NEO1: variants seen among roughly 807,000 people sequenced by gnomAD.
NEO1 encodes the protein neogenin.
Under a neutral mutation model 159.7 loss-of-function variants are expected in NEO1, and 63 were observed. The ratio of observed to expected loss-of-function variants is 0.39; its 90% confidence interval spans 0.32 to 0.49. The LOEUF is 0.49. NEO1 is among the 20% of genes least tolerant of loss of function. NEO1 has a pLI of 0.85. For synonymous variants in NEO1, 633 were observed against 662.0 expected, an observed-to-expected ratio of 0.96 and a Z score of 0.67; for missense variants, 1,615 against 1,831.0, an observed-to-expected ratio of 0.88 and a Z score of 2.15.
At chr15:73,062,440 C>G (rs530046903) in intron 1 of NEO1, among the ~76,000 whole-genome samples, 1 of 152,260 alleles carries the variant, frequency 6.6e-6, no homozygotes, top group East Asian at 1.9e-4. Flanking sequence ...GTCAAAACTT[C>G]CATAGCTGCT....
intron 1 of NEO1, among the ~76,000 whole-genome samples, chr15:73,057,684 C>CA (rs980339392): frequency 4.6e-5 from 7 of 151,788 alleles, no homozygotes; most frequent in African/African-American, 1.7e-4. Context: ...TAAATAGTGA[C>CA]AAAAAAAGGC....
At chr15:73,288,595 A>G (rs753828459) in intron 24 of NEO1, 44 bp downstream of exon 24, 10 of 1,510,710 alleles carry the variant, frequency 6.6e-6, no homozygotes, top group Admixed American at 3.5e-5. Flanking sequence ...TTAGGAAACT[A>G]TTTTCATTTA....
chr15:73,249,698 T>C lies in NEO1; in HGVS notation c.1871T>C (p.Val624Ala), dbSNP rs1167285692. ...KHGPGVSTPD[V>A]AVRTLSDVPS... ...GGTCCTGGAGTTTCCACACCAGATG[T>C]TGCTGTTCGAACATTGTCAGATGGT... The change falls in exon 11 of 29, where the codon GTT becomes GCT. Residue 624 changes from valine (V) to alanine (A), a missense_variant. Physicochemically the swap from Val to Ala is moderately conservative, Grantham distance 64. Transcript: ENST00000261908. 19 of 1,612,582 alleles carry C rather than the reference T, an allele frequency of 1.2e-5. No individual in the cohort carries two copies. Among genetic ancestry groups the C allele is most frequent in the Non-Finnish European group, 1.6e-5 (19 of 1,179,578 alleles).
Position 73,272,036 on chromosome 15 carries a change from C to T in NEO1, c.2858-419C>T, listed in dbSNP as rs552334712. The stretch of plus-strand genomic sequence containing the variant: ...GTGACAGGGAAGAAGTCATCTTGGA[C>T]GAATTACATAACTTCTCTAATTTTT... On this transcript the variant is annotated intron_variant, in intron 18 of 28. Transcript: ENST00000261908. 6.6e-5 allele frequency among the ~76,000 whole-genome samples: 10 copies of T among 152,120 alleles called. No homozygotes were observed. The South Asian group carries it at 1.7e-3, about 25-fold the overall frequency.
intron 7 of NEO1, among the ~76,000 whole-genome samples, chr15:73,180,880 T>C (rs2035570370): frequency 6.6e-6 from 1 of 152,210 alleles, no homozygotes; most frequent in African/African-American, 2.4e-5. Flanking sequence ...TATTTTGCTG[T>C]TTTAATTTGC....
intron 19 of NEO1, 54 bp downstream of exon 19, chr15:73,272,616 G>A (rs913266922): frequency 3.0e-5 from 37 of 1,245,168 alleles, no homozygotes; most frequent in Non-Finnish European, 4.1e-5. Flanking sequence ...CCTGACAGGA[G>A]TATTCCAGGA....
chr15:73,126,548 G>C lies in NEO1; in HGVS notation c.856G>C (p.Glu286Gln), dbSNP rs756731569. ...TCCAACCATTAAATGGATGAAAAAT[G>C]AGGAGGCACTTGACACAGAAAGGTA... The part of the protein sequence containing the change: ...PTPTIKWMKN[E>Q]EALDTESSER... The change falls in exon 4 of 29, where the codon GAG (glutamate) becomes CAG (glutamine). Residue 286 changes from glutamate to glutamine, a missense_variant. Physicochemically the swap from Glu to Gln is conservative, Grantham distance 29. Transcript: ENST00000261908. 2.5e-6 allele frequency: 4 copies of C among 1,613,644 alleles called. No individual in the cohort carries two copies. Among genetic ancestry groups the C allele is most frequent in the Non-Finnish European group, 3.4e-6 (4 of 1,179,856 alleles).
At chr15:73,085,644 AGTTTT>A (rs1332936406) in intron 1 of NEO1, among the ~76,000 whole-genome samples, 3 of 152,068 alleles carry the variant, frequency 2.0e-5, no homozygotes, top group Non-Finnish European at 4.4e-5. Flanking sequence ...AGGTATTCTC[AGTTTT>A]GTTTTGTTTT....
intron 23 of NEO1, among the ~76,000 whole-genome samples, chr15:73,284,622 G>A (rs914393562): frequency 2.4e-5 from 3 of 123,316 alleles, no homozygotes. Flanking sequence ...GTCTCTCTCT[G>A]TTGCCCAGGC....
chr15:73,053,345 G>T (rs964668933), intron 1 of NEO1, among the ~76,000 whole-genome samples: 1 of 152,104 alleles, frequency 6.6e-6, no homozygotes, highest in Admixed American at 6.5e-5. Context: ...GAAGAGCGGG[G>T]GTGTCAGAGG....
chr15:73,248,739 C>T (rs553626630), intron 9 of NEO1, among the ~76,000 whole-genome samples: 32 of 152,208 alleles, frequency 2.1e-4, no homozygotes, highest in African/African-American at 7.2e-4. Context: ...ATCACTGTAT[C>T]CCTAGTGGCT....
At chr15:73,104,811 C>G (rs2070592972) in intron 1 of NEO1, among the ~76,000 whole-genome samples, 1 of 152,114 alleles carries the variant, frequency 6.6e-6, no homozygotes, top group African/African-American at 2.4e-5. Flanking sequence ...GAGCAGGGCA[C>G]ATCTTCACAT....
chr15:73,235,165 C>T (rs1004792466), intron 7 of NEO1, among the ~76,000 whole-genome samples: 1 of 152,142 alleles, frequency 6.6e-6, no homozygotes, highest in Non-Finnish European at 1.5e-5. Flanking sequence ...TCACATTACA[C>T]TCTCGCAGTT....
chr15:73,257,649 A>G (rs1343480611), intron 13 of NEO1, among the ~76,000 whole-genome samples: 3 of 152,202 alleles, frequency 2.0e-5, no homozygotes, highest in African/African-American at 7.2e-5. Context: ...TATCTTTATG[A>G]TATGTATTGT....
intron 1 of NEO1, among the ~76,000 whole-genome samples, chr15:73,096,181 C>T (rs575529593): frequency 7.9e-5 from 12 of 152,104 alleles, no homozygotes; most frequent in Non-Finnish European, 1.5e-4. Flanking sequence ...TGTTCATGTC[C>T]TAATTAACAG....
chr15:73,224,858 T>G lies in NEO1; in HGVS notation c.1292-11489T>G, dbSNP rs534026237. 7.2e-5 allele frequency among the ~76,000 whole-genome samples: 11 copies of G among 151,824 alleles called. No homozygotes were observed. In the East Asian group the frequency reaches 7.7e-4, roughly 11 times the overall value. On this transcript the variant is annotated intron_variant, in intron 7 of 28. Transcript: ENST00000261908. ...CTGCTGGTGAACTAGTATGATTTTT[T>G]GGGGGGGGTGTTAAAGAGCCTAGTT... is the stretch of plus-strand genomic sequence containing the variant.
At chr15:73,071,068 C>T (rs1047778766) in intron 1 of NEO1, among the ~76,000 whole-genome samples, 4 of 151,818 alleles carry the variant, frequency 2.6e-5, no homozygotes, top group Admixed American at 6.6e-5. Flanking sequence ...GGGCTCAAGC[C>T]TCCTGAGTAG....
In NEO1 at chr15:73,270,379, T is replaced by C. The variant is rs749459275; in HGVS notation, c.2782T>C (p.Phe928Leu). 28 of 1,614,186 alleles carry C rather than the reference T, an allele frequency of 1.7e-5. No individual in the cohort carries two copies. The highest frequency in any genetic ancestry group is 2.2e-5 in the Non-Finnish European group (26 of 1,180,034). ...TTTAAAGCCGAATACACTCTATGAA[T>C]TCTCTGTGATGGTGACCAAAGGTCG... ...TGLKPNTLYE[F>L]SVMVTKGRRS... The change falls in exon 18 of 29, where the codon TTC becomes CTC. Residue 928 changes from phenylalanine to leucine, a missense_variant. Coordinates refer to ENST00000261908, the MANE Select transcript of NEO1 (RefSeq NM_002499.4).
In NEO1 at chr15:73,052,623, G is replaced by A; in HGVS notation, c.-53G>A. 1 of 1,143,904 alleles carries A rather than the reference G, an allele frequency of 8.7e-7. No individual in the cohort carries two copies. Among genetic ancestry groups the A allele is most frequent in the Non-Finnish European group, 1.1e-6 (1 of 916,900 alleles). 70.9% of individuals were successfully genotyped at this position (1,143,904 alleles called of 1,614,324 possible). ...GCTGAGGCGCGCGGGAGGGAAGGAG[G>A]CAAGGGCTCCGCGGCGCTGTCGCCG... On this transcript the variant is annotated 5_prime_UTR_variant, in exon 1 of 29. Transcript: ENST00000261908.
Sources: gnomAD v4.1 joint callset for allele counts (sites outside exome capture counted in the v4.1 genomes callset) on GRCh38, gnomAD v4.1.1 for gene constraint, MANE v1.5 for transcripts, NCBI Gene and HGNC (gene_info 2026-07-23, HGNC 2026-07-21) for gene names.